Variants in ASIC2 observed in about 807,000 individuals in gnomAD.
ASIC2 encodes the protein acid sensing ion channel subunit 2.
A neutral mutation model predicts 57.3 loss-of-function variants in ASIC2; 25 were observed. The observed-to-expected ratio is 0.44, with a 90% confidence interval of 0.32 to 0.61. ASIC2 has a LOEUF of 0.61. ASIC2 is among the 20% of genes least tolerant of loss of function. The pLI is 0.06. For synonymous variants in ASIC2, 319 were observed against 307.5 expected (o/e 1.04, Z -0.39); for missense variants, 641 against 738.1 (o/e 0.87, Z 1.52).
chr17:34,091,041 C>T (rs1367853001), intron 1 of ASIC2, among the ~76,000 whole-genome samples: 3 of 152,214 alleles, frequency 2.0e-5, no homozygotes, highest in African/African-American at 7.2e-5. Flanking sequence ...GTTCTTCCCA[C>T]CAAGGGTAGA....
chr17:33,686,161 A>T (rs915822602), intron 1 of ASIC2, among the ~76,000 whole-genome samples: 1 of 152,062 alleles, frequency 6.6e-6, no homozygotes, highest in African/African-American at 2.4e-5. Flanking sequence ...GGAATTCTAC[A>T]ATGGCTGGAG....
intron 1 of ASIC2, among the ~76,000 whole-genome samples, chr17:33,379,702 G>C (rs1909409550): frequency 6.6e-6 from 1 of 152,140 alleles, no homozygotes; most frequent in Non-Finnish European, 1.5e-5. Context: ...ACCTTTAGAT[G>C]ATCAGCTATG....
At chr17:34,029,157 G>A (rs1269236190) in intron 1 of ASIC2, among the ~76,000 whole-genome samples, 1 of 151,242 alleles carries the variant, frequency 6.6e-6, no homozygotes, top group Non-Finnish European at 1.5e-5. Flanking sequence ...TACTTTATTT[G>A]TTTTCATACA....
At chr17:33,399,349 T>C (rs1353435490) in intron 1 of ASIC2, among the ~76,000 whole-genome samples, 2 of 152,204 alleles carry the variant, frequency 1.3e-5, no homozygotes, top group African/African-American at 4.8e-5. Flanking sequence ...AAGACTCCTT[T>C]GCTGGAGGAT....
Position 33,786,249 on chromosome 17 carries a change from T to A in ASIC2, c.555+369729A>T, listed in dbSNP as rs190679149. 2.0e-5 allele frequency among the ~76,000 whole-genome samples: 3 copies of A among 152,286 alleles called. No homozygotes were observed. The East Asian group carries it at 5.8e-4, about 29-fold the overall frequency. On this transcript the variant is annotated intron_variant, in intron 1 of 9. Coordinates refer to the ASIC2 transcript ENST00000359872. ...AAGGTGAGCCCTGAGTTACCCTTTC[T>A]GGTAATGGACAGGGACCCAGCACAC...
chr17:33,898,873 G>A (rs1337655299), intron 1 of ASIC2, among the ~76,000 whole-genome samples: 4 of 151,926 alleles, frequency 2.6e-5, no homozygotes, highest in Admixed American at 6.6e-5. Flanking sequence ...CAGGTTACAG[G>A]GTGCACAAGA....
chr17:33,514,741 G>T (rs1387250192), intron 1 of ASIC2, among the ~76,000 whole-genome samples: 1 of 152,194 alleles, frequency 6.6e-6, no homozygotes, highest in Non-Finnish European at 1.5e-5. Flanking sequence ...AAAAGATCAC[G>T]TGGTCTTGGA....
chr17:33,052,152 C>G (rs944271970), intron 3 of ASIC2: 1 of 152,212 alleles, frequency 6.6e-6, no homozygotes, highest in Admixed American at 6.5e-5. Flanking sequence ...CACCCTTGTT[C>G]TCAGAAACCC....
At chr17:33,485,578 A>G (rs902651276) in intron 1 of ASIC2, among the ~76,000 whole-genome samples, 3 of 151,866 alleles carry the variant, frequency 2.0e-5, no homozygotes, top group Non-Finnish European at 2.9e-5. Flanking sequence ...CCTTTAGGCC[A>G]CTCCATCTTT....
chr17:34,102,324 C>T (rs975897920), intron 1 of ASIC2, among the ~76,000 whole-genome samples: 5 of 151,108 alleles, frequency 3.3e-5, no homozygotes, highest in Non-Finnish European at 5.9e-5. Flanking sequence ...AGTGAGACTC[C>T]GTCTAAAAAA....
At chr17:33,628,088 C>G (rs895726269) in intron 1 of ASIC2, among the ~76,000 whole-genome samples, 3 of 152,076 alleles carry the variant, frequency 2.0e-5, no homozygotes, top group African/African-American at 7.2e-5. Flanking sequence ...ACACAGGTGG[C>G]TAGGACAACC....
chr17:33,828,046 ACATGAACT>A (rs1912993947), intron 1 of ASIC2: 1 of 152,192 alleles, frequency 6.6e-6, no homozygotes, highest in African/African-American at 2.4e-5. Context: ...CCTATAAAGG[ACATGAACT>A]CATTCTTTTT....
chr17:33,265,354 A>G (rs1213907991), intron 1 of ASIC2, among the ~76,000 whole-genome samples: 1 of 152,244 alleles, frequency 6.6e-6, no homozygotes, highest in Middle Eastern at 3.2e-3. Flanking sequence ...CATGTCCTTT[A>G]CATGGACATG....
intron 1 of ASIC2, among the ~76,000 whole-genome samples, chr17:33,492,678 C>A (rs919190739): frequency 2.0e-5 from 3 of 152,184 alleles, no homozygotes; most frequent in Non-Finnish European, 4.4e-5. Context: ...GGATTGTGGA[C>A]CTATGACATG....
At chr17:33,276,602 T>A (rs1020322394) in intron 1 of ASIC2, among the ~76,000 whole-genome samples, 1 of 152,252 alleles carries the variant, frequency 6.6e-6, no homozygotes, top group Non-Finnish European at 1.5e-5. Context: ...TAGCAGCTCA[T>A]CCTCGCAGGA....
chr17:33,397,666 A>G (rs1910128918), intron 1 of ASIC2, among the ~76,000 whole-genome samples: 1 of 152,178 alleles, frequency 6.6e-6, no homozygotes, highest in African/African-American at 2.4e-5. Context: ...GTAGAGGCCA[A>G]GAGATAGCCC....
chr17:33,331,011 C>T (rs949309944), intron 1 of ASIC2, among the ~76,000 whole-genome samples: 7 of 152,208 alleles, frequency 4.6e-5, no homozygotes, highest in South Asian at 4.2e-4. Flanking sequence ...TGTTATGAAC[C>T]GGGCTGCACA....
intron 1 of ASIC2, among the ~76,000 whole-genome samples, chr17:33,808,892 A>G (rs1691118117): frequency 6.6e-6 from 1 of 152,206 alleles, no homozygotes; most frequent in African/African-American, 2.4e-5. Context: ...TGATGTCCCC[A>G]TCTGGAAATC....
intron 1 of ASIC2, among the ~76,000 whole-genome samples, chr17:33,593,406 G>A (rs933713610): frequency 2.0e-5 from 3 of 152,100 alleles, no homozygotes; most frequent in Admixed American, 1.3e-4. Flanking sequence ...TCAAGGGCTC[G>A]CCCATCACTG....
Sources: allele counts gnomAD v4.1 joint callset (sites outside exome capture counted in the v4.1 genomes callset), GRCh38; gene constraint gnomAD v4.1.1; transcripts MANE v1.5; gene names NCBI Gene and HGNC (gene_info 2026-07-23, HGNC 2026-07-21).